Variants in CFDP1 observed in about 807,000 individuals in gnomAD.
CFDP1 encodes the protein heterochromatin-stabilizing protein CFDP1.
In CFDP1, 31 loss-of-function variants were observed where a neutral mutation model predicts 40.1. The ratio of observed to expected loss-of-function variants is 0.77; its 90% CI spans 0.58 to 1.04. The LOEUF (loss-of-function observed/expected upper bound fraction) is 1.04. Among genes scored for constraint, CFDP1 ranks in the 50% least tolerant of loss-of-function variants. The pLI, the probability that CFDP1 is intolerant of heterozygous loss-of-function variation, is 0.00. For missense variants in CFDP1, 423 were observed against 343.4 expected (o/e 1.23, Z -1.83); for synonymous variants, 167 against 120.0 (o/e 1.39, Z -2.56).
chr16:75,402,921 T>C (rs954172158), intron 4 of CFDP1, among the ~76,000 whole-genome samples: 41 of 151,558 alleles, frequency 2.7e-4, no homozygotes, highest in African/African-American at 9.0e-4. Context: ...ATATATATTA[T>C]ATATCTCTGT....
chr16:75,294,124 A>T lies in CFDP1; in HGVS notation c.810-82T>A, dbSNP rs2078165249. The stretch of plus-strand genomic sequence containing the variant: ...GCACAGTCCCATCCCCCAGGGATAA[A>T]CTAAGTTACAGTAAATGGTGCCGAG... On this transcript the variant is annotated intron_variant, in intron 6 of 6. Transcript: ENST00000283882. The T allele has an allele frequency of 2.2e-5, 23 of 1,037,686 alleles. No homozygotes were observed. In the East Asian group the frequency reaches 5.6e-4, roughly 25 times the overall value. 64.3% of individuals were successfully genotyped at this position (1,037,686 alleles called of 1,614,324 possible). A position where few individuals can be genotyped will look rare whatever the true frequency, so the allele number is the denominator to read the frequency against.
intron 1 of CFDP1, among the ~76,000 whole-genome samples, chr16:75,432,776 G>A (rs780151870): frequency 3.9e-5 from 6 of 152,176 alleles, no homozygotes; most frequent in Admixed American, 6.5e-5. Flanking sequence ...GATCCCTAAG[G>A]AAAGAAAGTT....
intron 5 of CFDP1, among the ~76,000 whole-genome samples, chr16:75,369,944 T>C (rs2078739915): frequency 6.6e-6 from 1 of 151,864 alleles, no homozygotes; most frequent in Non-Finnish European, 1.5e-5. Flanking sequence ...TTATTATTAT[T>C]ATTATTTTTA....
chr16:75,375,316 ACTAT>A (rs2078783834), intron 5 of CFDP1, among the ~76,000 whole-genome samples: 1 of 152,192 alleles, frequency 6.6e-6, no homozygotes, highest in Non-Finnish European at 1.5e-5. Context: ...CATCTGACAA[ACTAT>A]CTATATTCAG....
At chr16:75,391,727 A>T (rs1270736947) in intron 5 of CFDP1, among the ~76,000 whole-genome samples, 1 of 152,118 alleles carries the variant, frequency 6.6e-6, no homozygotes, top group African/African-American at 2.4e-5. Context: ...TAATGCCAGC[A>T]CTTTGGGAGG....
intron 4 of CFDP1, among the ~76,000 whole-genome samples, chr16:75,404,211 G>T (rs556923430): frequency 5.9e-5 from 9 of 151,264 alleles, no homozygotes; most frequent in Non-Finnish European, 1.3e-4. Flanking sequence ...GCCTTACAAT[G>T]AAGAATTCTG....
At chr16:75,315,360 A>AAAG (rs1263844123) in intron 5 of CFDP1, among the ~76,000 whole-genome samples, 1 of 144,668 alleles carries the variant, frequency 6.9e-6, no homozygotes, top group Non-Finnish European at 1.5e-5. Flanking sequence ...AAAAAAAAAA[A>AAAG]GAGAAGGGTT....
At chr16:75,320,446 A>AG (rs2078355058) in intron 5 of CFDP1, among the ~76,000 whole-genome samples, 1 of 151,618 alleles carries the variant, frequency 6.6e-6, no homozygotes, top group Admixed American at 6.6e-5. Flanking sequence ...AACTAGTTAA[A>AG]AAAAAAAGAA....
In CFDP1 at chr16:75,419,036, G is replaced by A. The variant is rs116870612; in HGVS notation, c.65-4341C>T. On this transcript the variant is annotated intron_variant, in intron 1 of 6. Coordinates refer to ENST00000283882, the MANE Select transcript of CFDP1 (RefSeq NM_006324.3). Reference sequence around the variant, plus strand: ...CACGCACCTGTAGTTCCATCTACTGGGGAGGCTGAGGCAGGAGGATCACTT... The same window carrying A: ...CACGCACCTGTAGTTCCATCTACTGAGGAGGCTGAGGCAGGAGGATCACTT... 167 of 407,072 alleles carry A rather than the reference G, an allele frequency of 4.1e-4. 1 individual carries two copies. In the East Asian group the frequency reaches 0.012, roughly 28 times the overall value. 25.2% of individuals were successfully genotyped at this position (407,072 alleles called of 1,614,324 possible).
intron 5 of CFDP1, among the ~76,000 whole-genome samples, chr16:75,365,188 C>T (rs1249715477): frequency 1.3e-5 from 2 of 152,104 alleles, no homozygotes; most frequent in Non-Finnish European, 2.9e-5. Flanking sequence ...TATGTGATAA[C>T]TGAAGTTGAA....
intron 6 of CFDP1, among the ~76,000 whole-genome samples, chr16:75,304,276 T>G (rs1186981597): frequency 6.6e-6 from 1 of 152,054 alleles, no homozygotes; most frequent in Non-Finnish European, 1.5e-5. Flanking sequence ...CCAGGTTGGC[T>G]AGGCTGGTCT....
intron 5 of CFDP1, among the ~76,000 whole-genome samples, chr16:75,345,069 C>T (rs986874311): frequency 5.9e-5 from 9 of 152,006 alleles, no homozygotes; most frequent in African/African-American, 1.7e-4. Context: ...CCAGCCTGGG[C>T]AATCCCAGCA....
chr16:75,333,531 G>A (rs975057704), intron 5 of CFDP1, among the ~76,000 whole-genome samples: 13 of 152,196 alleles, frequency 8.5e-5, no homozygotes, highest in Non-Finnish European at 1.5e-4. Flanking sequence ...TTTGAAGAAA[G>A]AAAATGATCA....
chr16:75,310,211 C>T (rs990937607), intron 5 of CFDP1, among the ~76,000 whole-genome samples: 1 of 152,212 alleles, frequency 6.6e-6, no homozygotes, highest in Non-Finnish European at 1.5e-5. Flanking sequence ...GGACTTTGCT[C>T]TCACCAGCCA....
intron 5 of CFDP1, among the ~76,000 whole-genome samples, chr16:75,339,165 T>C (rs563742737): frequency 6.6e-6 from 1 of 152,274 alleles, no homozygotes; most frequent in East Asian, 1.9e-4. Flanking sequence ...CTCCTTATTG[T>C]ATTCACTTTT....
At chr16:75,426,832 A>T (rs2079347537) in intron 1 of CFDP1, among the ~76,000 whole-genome samples, 1 of 152,162 alleles carries the variant, frequency 6.6e-6, no homozygotes, top group Non-Finnish European at 1.5e-5. Flanking sequence ...AGGTGGGTGG[A>T]TCACTTGAGG....
chr16:75,415,932 A>C (rs2079200436), intron 1 of CFDP1, among the ~76,000 whole-genome samples: 1 of 152,108 alleles, frequency 6.6e-6, no homozygotes, highest in African/African-American at 2.4e-5. Context: ...GGCTCACTAC[A>C]ACCTCTGCCT....
intron 5 of CFDP1, among the ~76,000 whole-genome samples, chr16:75,323,903 T>G (rs981412517): frequency 1.3e-5 from 2 of 152,206 alleles, no homozygotes; most frequent in Non-Finnish European, 2.9e-5. Flanking sequence ...ACACGAGTGG[T>G]GTGTGACTGT....
chr16:75,333,256 T>C (rs940100394), intron 5 of CFDP1, among the ~76,000 whole-genome samples: 1 of 152,040 alleles, frequency 6.6e-6, no homozygotes, highest in Non-Finnish European at 1.5e-5. Context: ...CTCGAGTAGC[T>C]GGGACTACAG....
Sources: gnomAD v4.1 joint callset for allele counts (sites outside exome capture counted in the v4.1 genomes callset) on GRCh38, gnomAD v4.1.1 for gene constraint, MANE v1.5 for transcripts, NCBI Gene and HGNC (gene_info 2026-07-23, HGNC 2026-07-21) for gene names.